ZNF143: variants seen among roughly 807,000 people sequenced by gnomAD.
ZNF143 encodes the protein zinc finger protein 143, also known as SPH-binding factor.
A neutral mutation model predicts 74.1 loss-of-function variants in ZNF143; 49 were observed. The ratio of observed to expected loss-of-function variants is 0.66; its 90% confidence interval spans 0.53 to 0.84. ZNF143 has a LOEUF of 0.84. Among genes scored for constraint, ZNF143 ranks in the 40% least tolerant of loss-of-function variants. The probability of loss-of-function intolerance (pLI) is 0.00; values close to 1 mark genes in which losing one functional copy is unlikely to be tolerated. For synonymous variants in ZNF143, 304 were observed against 282.8 expected (o/e 1.07, Z -0.75); for missense variants, 637 against 793.4 (o/e 0.80, Z 2.37).
chr11:9,518,885 A>G (rs1025587643), intron 14 of ZNF143, among the ~76,000 whole-genome samples: 10 of 152,156 alleles, frequency 6.6e-5, no homozygotes, highest in African/African-American at 2.4e-4. Context: ...GTACTCTTGC[A>G]TTGAGGATTT....
In ZNF143 at chr11:9,471,382, A is replaced by C; in HGVS notation, c.74A>C (p.His25Pro). ...CCTGGAGGAGGGATGGAGGCGCAAC[A>C]TGTTACGCTGTGCTTGACAGAGGCA... ...EFPGGGMEAQ[H>P]VTLCLTEAVT... Residue 25 changes from histidine (H) to proline (P), a missense_variant, in exon 2 of 16, where the codon CAT becomes CCT. His to Pro is a moderately conservative substitution (Grantham distance 77). Coordinates refer to ENST00000396602, the MANE Select transcript of ZNF143 (RefSeq NM_003442.6). The C allele has an allele frequency of 6.2e-7, 1 of 1,612,964 alleles. No individual in the cohort carries two copies. The highest frequency in any genetic ancestry group is 8.5e-7 in the Non-Finnish European group (1 of 1,179,620).
intron 11 of ZNF143, among the ~76,000 whole-genome samples, chr11:9,507,141 CATTAGTG>C (rs1848393906): frequency 6.6e-6 from 1 of 152,156 alleles, no homozygotes; most frequent in African/African-American, 2.4e-5. Flanking sequence ...TGTTACGGTA[CATTAGTG>C]TGGTATCTTA....
At position 9,527,675 on chromosome 11, in the gene ZNF143, A is replaced by G. The variant is rs568485201; in HGVS notation, c.*62A>G. On this transcript the variant is annotated 3_prime_UTR_variant, in exon 16 of 16. Transcript: ENST00000396602. ...TTTCATCTTCTGGCAGCAGAAATCC[A>G]TGAAGCCCGGGCCCAGGAAAATTAG... 35 of 1,516,754 alleles carry G rather than the reference A, an allele frequency of 2.3e-5. No individual in the cohort carries two copies. The East Asian group carries it at 3.6e-4, about 16-fold the overall frequency. The allele number at this position is 1,516,754 out of a possible 1,614,324, so 94.0% of individuals were successfully genotyped here.
At chr11:9,498,718 G>A (rs1402886591) in intron 10 of ZNF143, among the ~76,000 whole-genome samples, 1 of 152,302 alleles carries the variant, frequency 6.6e-6, no homozygotes, top group South Asian at 2.1e-4. Flanking sequence ...ATTATAAGCT[G>A]TTGACTAAAT....
intron 14 of ZNF143, among the ~76,000 whole-genome samples, chr11:9,517,693 T>A (rs1486509184): frequency 6.6e-6 from 1 of 152,222 alleles, no homozygotes; most frequent in East Asian, 1.9e-4. Flanking sequence ...GTTCTTGTAC[T>A]GTGCTAAAGG....
At chr11:9,513,476 A>G (rs958941389) in intron 13 of ZNF143, among the ~76,000 whole-genome samples, 1 of 152,200 alleles carries the variant, frequency 6.6e-6, no homozygotes, top group African/African-American at 2.4e-5. Flanking sequence ...AGATCATCAC[A>G]TACAGAGGTC....
At chr11:9,476,555 A>G (rs1856903212) in intron 5 of ZNF143, among the ~76,000 whole-genome samples, 1 of 151,204 alleles carries the variant, frequency 6.6e-6, no homozygotes, top group Non-Finnish European at 1.5e-5. Flanking sequence ...GTGTTTTAGT[A>G]AAGATGGGGT....
intron 14 of ZNF143, among the ~76,000 whole-genome samples, chr11:9,518,483 T>G (rs1368557387): frequency 6.6e-6 from 1 of 152,086 alleles, no homozygotes; most frequent in Non-Finnish European, 1.5e-5. Context: ...GAGGCCGAGG[T>G]GGGTGGATCA....
intron 14 of ZNF143, among the ~76,000 whole-genome samples, chr11:9,517,112 G>A (rs1038250843): frequency 2.0e-5 from 3 of 151,620 alleles, no homozygotes; most frequent in Admixed American, 6.6e-5. Context: ...TTTTTGTAGA[G>A]AAAGGGTCTC....
chr11:9,475,359 A>G (rs574262226), intron 5 of ZNF143, among the ~76,000 whole-genome samples: 1 of 151,780 alleles, frequency 6.6e-6, no homozygotes, highest in African/African-American at 2.4e-5. Flanking sequence ...TCCTGGGCTC[A>G]AGGGGCTTTC....
intron 11 of ZNF143, among the ~76,000 whole-genome samples, chr11:9,502,975 C>T (rs901380448): frequency 2.2e-4 from 34 of 152,028 alleles, no homozygotes; most frequent in African/African-American, 6.8e-4. Flanking sequence ...GGACTATAGG[C>T]GCCTGCCACC....
Position 9,479,491 on chromosome 11 carries a change from A to C in ZNF143, c.590A>C (p.Glu197Ala). 3.1e-6 allele frequency: 5 copies of C among 1,613,150 alleles called. No homozygotes were observed. The highest frequency in any genetic ancestry group is 4.2e-6 in the Non-Finnish European group (5 of 1,179,688). ...YAAKVSIDGS[E>A]SVAGTGMIGE... ...CTATAGGTGTCCATTGATGGAAGTGAAAGTGTAGCAGGTACTGGAATGATT... is the reference window on the plus strand; with the variant it reads ...CTATAGGTGTCCATTGATGGAAGTGCAAGTGTAGCAGGTACTGGAATGATT... Residue 197 changes from glutamate (E) to alanine (A), a missense_variant, in exon 7 of 16, where the codon GAA (glutamate) becomes GCA (alanine). This residue lies in a region of ZNF143 where 293 missense variants were observed against 307.8 expected (regional missense o/e 0.95). Transcript: ENST00000396602.
intron 13 of ZNF143, 88 bp from the exon 14 acceptor site, chr11:9,516,113 T>G: frequency 7.6e-7 from 1 of 1,311,442 alleles, no homozygotes; most frequent in Non-Finnish European, 1.1e-6. Context: ...CAGGGCAAAC[T>G]TATACAAGGA....
At chr11:9,470,553 A>G (rs893676456) in intron 1 of ZNF143, among the ~76,000 whole-genome samples, 4 of 152,122 alleles carry the variant, frequency 2.6e-5, no homozygotes, top group Non-Finnish European at 5.9e-5. Flanking sequence ...GCAGAAGGAA[A>G]CTCAAATGAA....
chr11:9,479,646 A>T (rs1029495112), intron 7 of ZNF143, 100 bp downstream of exon 7: 1 of 912,078 alleles, frequency 1.1e-6, no homozygotes, highest in African/African-American at 1.7e-5. Context: ...TCTCTAGGAA[A>T]ATCTCACCAG....
intron 1 of ZNF143, among the ~76,000 whole-genome samples, chr11:9,464,955 A>G (rs907293317): frequency 3.3e-5 from 5 of 152,074 alleles, no homozygotes; most frequent in South Asian, 2.1e-4. Context: ...TAAATGGCCT[A>G]TAAGGGTAAT....
At chr11:9,502,653 A>T (rs2134107409) in intron 11 of ZNF143, among the ~76,000 whole-genome samples, 1 of 151,756 alleles carries the variant, frequency 6.6e-6, no homozygotes, top group East Asian at 1.9e-4. Context: ...TAGTATATTC[A>T]CAAGGTTGTG....
chr11:9,461,358 C>T (rs1322512658), intron 1 of ZNF143, among the ~76,000 whole-genome samples: 1 of 152,218 alleles, frequency 6.6e-6, no homozygotes, highest in Non-Finnish European at 1.5e-5. Flanking sequence ...GCCTGTTTCC[C>T]TCAGGGGACC....
intron 10 of ZNF143, 149 bp from the exon 11 acceptor site, chr11:9,500,942 C>A: frequency 1.2e-6 from 1 of 861,870 alleles, no homozygotes; most frequent in Non-Finnish European, 1.8e-6. Flanking sequence ...TGCTGTTTCC[C>A]CAACCCCCCC....
Sources: gnomAD v4.1 joint callset for allele counts (sites outside exome capture counted in the v4.1 genomes callset) on GRCh38, gnomAD v4.1.1 for gene constraint, gnomAD v4.1.1 regional missense constraint, MANE v1.5 for transcripts, NCBI Gene and HGNC (gene_info 2026-07-23, HGNC 2026-07-21) for gene names.